Variants in FBXO11 observed in about 807,000 individuals in gnomAD.
FBXO11 encodes F-box protein 11.
A neutral mutation model predicts 117.0 loss-of-function variants in FBXO11; 13 were observed. That is an observed-to-expected ratio of 0.11 (90% confidence interval 0.07 to 0.18). FBXO11 has a LOEUF of 0.18. FBXO11 is among the 10% of genes least tolerant of loss of function. The probability of loss-of-function intolerance (pLI) is 1.00; values close to 1 mark genes in which losing one functional copy is unlikely to be tolerated. For synonymous variants in FBXO11, 490 were observed against 380.5 expected, an observed-to-expected ratio of 1.29 and a Z score of -3.35; for missense variants, 767 against 1,164.4, an observed-to-expected ratio of 0.66 and a Z score of 4.97.
chr2:47,887,645 G>GA (rs1676962195), intron 1 of FBXO11, among the ~76,000 whole-genome samples: 1 of 152,068 alleles, frequency 6.6e-6, no homozygotes, highest in Non-Finnish European at 1.5e-5. Flanking sequence ...CGAACTGCTG[G>GA]AGCCCAGGAG....
chr2:47,865,458 T>C (rs1177834820), intron 1 of FBXO11, among the ~76,000 whole-genome samples: 1 of 152,178 alleles, frequency 6.6e-6, no homozygotes, highest in African/African-American at 2.4e-5. Context: ...ACAAATAGTT[T>C]GAACCATAAA....
intron 16 of FBXO11, among the ~76,000 whole-genome samples, chr2:47,818,070 G>C (rs141711200): frequency 4.7e-4 from 72 of 152,262 alleles, no homozygotes; most frequent in African/African-American, 1.7e-3. Context: ...AGCCGAGATC[G>C]TGCCATTGCA....
At chr2:47,902,279 T>C (rs1313279473) in intron 1 of FBXO11, among the ~76,000 whole-genome samples, 2 of 152,230 alleles carry the variant, frequency 1.3e-5, no homozygotes, top group Non-Finnish European at 2.9e-5. Context: ...ATCTCAGGAA[T>C]TTAAGAAATT....
At position 47,895,119 on chromosome 2, in the gene FBXO11, G is replaced by A. The variant is rs558218078; in HGVS notation, c.232+10370C>T. ...GAAAATATCAGCAATGATATATGCTGAGGTATAAAACTCACACGGAATGTG... is the reference window on the plus strand; with the variant it reads ...GAAAATATCAGCAATGATATATGCTAAGGTATAAAACTCACACGGAATGTG... On this transcript the variant is annotated intron_variant, in intron 1 of 22. Transcript: ENST00000403359. 2.6e-5 allele frequency among the ~76,000 whole-genome samples: 4 copies of A among 152,226 alleles called. No homozygotes were observed. The South Asian group carries it at 8.3e-4, about 32-fold the overall frequency.
intron 16 of FBXO11, chr2:47,818,501 A>G (rs1380879159): frequency 3.2e-6 from 1 of 312,896 alleles, no homozygotes; most frequent in African/African-American, 2.1e-5. Context: ...TCCACTCTCC[A>G]AGTATGAAGG....
At chr2:47,867,123 T>C (rs1414669572) in intron 1 of FBXO11, among the ~76,000 whole-genome samples, 2 of 152,210 alleles carry the variant, frequency 1.3e-5, no homozygotes, top group African/African-American at 4.8e-5. Context: ...CTTAATTTCA[T>C]TATTCTCTCC....
chr2:47,846,086 T>C (rs979057242), intron 1 of FBXO11, among the ~76,000 whole-genome samples: 5 of 152,240 alleles, frequency 3.3e-5, no homozygotes, highest in Non-Finnish European at 7.3e-5. Context: ...CGATCCATGA[T>C]AGATGCGGCA....
At position 47,813,874 on chromosome 2, in the gene FBXO11, A is replaced by G; in HGVS notation, c.2007-7T>C. 1 of 1,599,112 alleles carries G rather than the reference A, an allele frequency of 6.3e-7. No homozygotes were observed. The highest frequency in any genetic ancestry group is 8.6e-7 in the Non-Finnish European group (1 of 1,166,564). On this transcript the variant is annotated splice_polypyrimidine_tract_variant and splice_region_variant and intron_variant, in intron 16 of 22. Coordinates refer to ENST00000403359, the MANE Select transcript of FBXO11 (RefSeq NM_001190274.2). ...TTTGGGGTTGCTTCCAGTCCTGTAAACAGAATAGACAATAATACCATTTCA... is the reference window on the plus strand; with the variant it reads ...TTTGGGGTTGCTTCCAGTCCTGTAAGCAGAATAGACAATAATACCATTTCA...
chr2:47,877,288 T>A (rs1676075014), intron 1 of FBXO11, among the ~76,000 whole-genome samples: 1 of 152,262 alleles, frequency 6.6e-6, no homozygotes, highest in South Asian at 2.1e-4. Context: ...TTTACCTCCC[T>A]GAGGATCTTA....
intron 1 of FBXO11, among the ~76,000 whole-genome samples, chr2:47,858,912 G>A (rs776483977): frequency 2.7e-5 from 4 of 150,928 alleles, no homozygotes; most frequent in Admixed American, 6.6e-5. Context: ...GGTAGCCCGC[G>A]CCTGTAATCC....
intron 1 of FBXO11, among the ~76,000 whole-genome samples, chr2:47,854,645 G>C (rs555536015): frequency 2.0e-5 from 3 of 152,124 alleles, no homozygotes; most frequent in Non-Finnish European, 2.9e-5. Flanking sequence ...AAATTAATTA[G>C]AATTATGTGG....
intron 11 of FBXO11, among the ~76,000 whole-genome samples, chr2:47,826,624 GTTAGA>G (rs1423388049): frequency 1.3e-5 from 2 of 152,012 alleles, no homozygotes; most frequent in African/African-American, 4.8e-5. Context: ...CTTAATTTTG[GTTAGA>G]TTAGTGTGCT....
rs1371955576 is a variant in FBXO11 at position 47,905,563 on chromosome 2, T to TGCTGCTGCTGCGGCGGCGGCGGAG, written c.134_157dup (p.Pro45_Gln52dup). 50 of 1,250,100 alleles carry TGCTGCTGCTGCGGCGGCGGCGGAG rather than the reference T, an allele frequency of 4.0e-5. No individual in the cohort carries two copies. Among genetic ancestry groups the TGCTGCTGCTGCGGCGGCGGCGGAG allele is most frequent in the East Asian group, 6.6e-5 (2 of 30,312 alleles). The allele number at this position is 1,250,100 out of a possible 1,614,324, so 77.4% of individuals were successfully genotyped here. A position where few individuals can be genotyped will look rare whatever the true frequency, so the allele number is the denominator to read the frequency against. ...TGGCGGCGGCGGAGGCTGCTGCTGC[T>TGCTGCTGCTGCGGCGGCGGCGGAG]GCTGCTGCTGCGGCGGCGGCGGAGG... On this transcript the variant is annotated inframe_insertion, in exon 1 of 23. Transcript: ENST00000403359.
chr2:47,826,952 C>T (rs899846048), intron 11 of FBXO11, among the ~76,000 whole-genome samples: 4 of 152,164 alleles, frequency 2.6e-5, no homozygotes, highest in African/African-American at 9.7e-5. Flanking sequence ...TTCTGAACAG[C>T]TTTATTGGAG....
intron 11 of FBXO11, among the ~76,000 whole-genome samples, chr2:47,830,075 T>C (rs1412179307): frequency 6.6e-6 from 1 of 151,514 alleles, no homozygotes; most frequent in Non-Finnish European, 1.5e-5. Flanking sequence ...AACATAGCAA[T>C]ATAAATAACC....
At chr2:47,818,333 G>C (rs1671150071) in intron 16 of FBXO11, 1 of 154,748 alleles carries the variant, frequency 6.5e-6, no homozygotes, top group Non-Finnish European at 1.4e-5. Flanking sequence ...AGGTAAGCCA[G>C]TATATGATCA....
intron 1 of FBXO11, among the ~76,000 whole-genome samples, chr2:47,873,824 G>C (rs1675799460): frequency 1.3e-5 from 2 of 152,118 alleles, no homozygotes; most frequent in Non-Finnish European, 1.5e-5. Context: ...AGATATGTAT[G>C]TGTTCAACTT....
chr2:47,887,649 C>G (rs1676962814), intron 1 of FBXO11, among the ~76,000 whole-genome samples: 1 of 151,994 alleles, frequency 6.6e-6, no homozygotes, highest in South Asian at 2.1e-4. Flanking sequence ...CTGCTGGAGC[C>G]CAGGAGTTCA....
At chr2:47,850,738 A>T (rs1456110207) in intron 1 of FBXO11, among the ~76,000 whole-genome samples, 1 of 152,228 alleles carries the variant, frequency 6.6e-6, no homozygotes, top group East Asian at 1.9e-4. Context: ...TAATTCAAGG[A>T]TTAAAGTCTC....
Sources: allele counts gnomAD v4.1 joint callset (sites outside exome capture counted in the v4.1 genomes callset), GRCh38; gene constraint gnomAD v4.1.1; transcripts MANE v1.5; gene names NCBI Gene and HGNC (gene_info 2026-07-23, HGNC 2026-07-21).